Variants in DPP10 observed in about 807,000 individuals in gnomAD.
The protein encoded by DPP10 is inactive dipeptidyl peptidase 10.
A neutral mutation model predicts 120.9 loss-of-function variants in DPP10; 33 were observed. That is an observed-to-expected ratio of 0.27 (90% confidence interval 0.21 to 0.37). The LOEUF is 0.37. Among genes scored for constraint, DPP10 ranks in the 10% least tolerant of loss-of-function variants. The probability of loss-of-function intolerance (pLI) is 1.00; values close to 1 mark genes in which losing one functional copy is unlikely to be tolerated. For synonymous variants in DPP10, 337 were observed against 326.1 expected, an observed-to-expected ratio of 1.03 and a Z score of -0.36; for missense variants, 816 against 942.8, an observed-to-expected ratio of 0.87 and a Z score of 1.76.
At chr2:115,588,037 T>A (rs934879951) in intron 5 of DPP10, among the ~76,000 whole-genome samples, 5 of 152,188 alleles carry the variant, frequency 3.3e-5, no homozygotes, top group Non-Finnish European at 5.9e-5. Flanking sequence ...TTATACTTTT[T>A]AAAAACTTAT....
intron 5 of DPP10, among the ~76,000 whole-genome samples, chr2:115,568,083 C>T (rs563200816): frequency 1.1e-4 from 17 of 151,884 alleles, no homozygotes; most frequent in African/African-American, 3.6e-4. Context: ...GAGGCTGAGG[C>T]AGGACAGCCA....
rs532395151 is a variant in DPP10, at chr2:115,049,288, A to T, written c.61-259951A>T. ...CATTATTGAGCACTTAATGTATGCT[A>T]GATAGTGTGCTATGCCCATTTATAT... On this transcript the variant is annotated intron_variant, in intron 1 of 25. Transcript: ENST00000410059. Among the ~76,000 whole-genome samples, 6 of 152,236 alleles carry T rather than the reference A, an allele frequency of 3.9e-5. No homozygotes were observed. The South Asian group carries it at 8.3e-4, about 21-fold the overall frequency.
intron 21 of DPP10, among the ~76,000 whole-genome samples, chr2:115,830,320 T>G (rs948338344): frequency 6.9e-6 from 1 of 144,420 alleles, no homozygotes; most frequent in African/African-American, 2.6e-5. Context: ...TTCCCACCAC[T>G]GCACTCCAGC....
chr2:114,992,195 G>T (rs1015925270), intron 1 of DPP10, among the ~76,000 whole-genome samples: 1 of 152,214 alleles, frequency 6.6e-6, no homozygotes, highest in Non-Finnish European at 1.5e-5. Context: ...ACAAAGGAAA[G>T]ATCTTCTGGG....
chr2:115,139,479 T>C (rs898671422), intron 1 of DPP10, among the ~76,000 whole-genome samples: 12 of 151,960 alleles, frequency 7.9e-5, no homozygotes, highest in Middle Eastern at 3.4e-3. Context: ...CAAATACTAC[T>C]GAGACAGAGA....
intron 5 of DPP10, among the ~76,000 whole-genome samples, chr2:115,604,669 A>G (rs770098670): frequency 7.4e-5 from 11 of 148,420 alleles, no homozygotes; most frequent in Non-Finnish European, 1.5e-4. Context: ...TTTTCATTTC[A>G]CAACCCTACA....
intron 1 of DPP10, among the ~76,000 whole-genome samples, chr2:114,753,926 A>G (rs908545156): frequency 2.6e-5 from 4 of 151,220 alleles, no homozygotes; most frequent in African/African-American, 7.3e-5. Context: ...AAAAAAAAAA[A>G]AAAAAAGAAA....
At chr2:115,028,434 C>A (rs1457658710) in intron 1 of DPP10, among the ~76,000 whole-genome samples, 1 of 152,046 alleles carries the variant, frequency 6.6e-6, no homozygotes, top group Non-Finnish European at 1.5e-5. Context: ...TAGTTTGAGT[C>A]CACTGTGGTC....
At chr2:114,529,758 G>A (rs903768238) in intron 1 of DPP10, among the ~76,000 whole-genome samples, 7 of 152,070 alleles carry the variant, frequency 4.6e-5, no homozygotes, top group Non-Finnish European at 8.8e-5. Flanking sequence ...TGTGTCAGGG[G>A]GGTTTGTTGT....
At position 115,054,493 on chromosome 2, in the gene DPP10, G is replaced by C. The variant is rs144691475; in HGVS notation, c.61-254746G>C. Among the ~76,000 whole-genome samples the C allele has an allele frequency of 3.6e-3, 555 of 152,258 alleles. 5 individuals are homozygous for C. The highest frequency in any genetic ancestry group is 0.013 in the African/African-American group (532 of 41,556). ...TATTAGAAAAAAAGTGCACTGTTGG[G>C]TTCATTTTTTGTAGTTTCTTGTAGC... On this transcript the variant is annotated intron_variant, in intron 1 of 25. Coordinates refer to ENST00000410059, the MANE Select transcript of DPP10 (RefSeq NM_020868.6).
intron 19 of DPP10, among the ~76,000 whole-genome samples, chr2:115,811,641 T>C (rs1016438167): frequency 1.3e-5 from 2 of 152,188 alleles, no homozygotes; most frequent in African/African-American, 4.8e-5. Flanking sequence ...AAACATCTTA[T>C]GTTGCCTTAG....
chr2:115,110,571 G>A lies in DPP10; in HGVS notation c.61-198668G>A, dbSNP rs536736725. On this transcript the variant is annotated intron_variant, in intron 1 of 25. Transcript: ENST00000410059. ...ATGTATTTAAATAGTTTTTTGATGT[G>A]TGCTATTTATTTTTTAAGTTATATT... 1.3e-5 allele frequency among the ~76,000 whole-genome samples: 2 copies of A among 151,962 alleles called. 1 individual carries two copies. Among genetic ancestry groups the A allele is most frequent in the Admixed American group, 1.3e-4 (2 of 15,266 alleles).
intron 4 of DPP10, among the ~76,000 whole-genome samples, chr2:115,504,235 T>A (rs2076830159): frequency 6.6e-6 from 1 of 151,790 alleles, no homozygotes; most frequent in Admixed American, 6.6e-5. Context: ...GGGACTTTTT[T>A]GTTCAGATAA....
chr2:115,187,193 C>A, intron 1 of DPP10, among the ~76,000 whole-genome samples: 1 of 148,858 alleles, frequency 6.7e-6, no homozygotes, highest in East Asian at 2.1e-4. Context: ...CCCGCCACCA[C>A]GCCCGGCTAA....
intron 5 of DPP10, among the ~76,000 whole-genome samples, chr2:115,687,485 GGATAGATAGATA>G (rs3043901): frequency 2.0e-4 from 30 of 147,018 alleles, no homozygotes; most frequent in South Asian, 4.4e-4. Flanking sequence ...ATGGATGGAT[GGATAGATAGATA>G]GATAGATAGA....
At chr2:114,890,221 G>A (rs1692428031) in intron 1 of DPP10, among the ~76,000 whole-genome samples, 1 of 152,186 alleles carries the variant, frequency 6.6e-6, no homozygotes, top group Non-Finnish European at 1.5e-5. Flanking sequence ...AGAGTAAAAT[G>A]AATTTGAGGC....
chr2:115,171,565 TGTCTAAG>T (rs2053338447), intron 1 of DPP10, among the ~76,000 whole-genome samples: 1 of 151,986 alleles, frequency 6.6e-6, no homozygotes, highest in South Asian at 2.1e-4. Flanking sequence ...TGAAGTGACT[TGTCTAAG>T]GTCACACTGT....
At chr2:115,746,009 T>G (rs1677921256) in intron 9 of DPP10, 77 bp from the exon 10 acceptor site, 1 of 1,061,470 alleles carries the variant, frequency 9.4e-7, no homozygotes, top group African/African-American at 1.7e-5. Context: ...AGTAAATGAA[T>G]CAAAAATCCT....
chr2:115,268,768 G>A (rs1207547338), intron 1 of DPP10, among the ~76,000 whole-genome samples: 1 of 152,096 alleles, frequency 6.6e-6, no homozygotes, highest in Non-Finnish European at 1.5e-5. Flanking sequence ...AACTTCTTTA[G>A]ATATAAGACC....
Sources: allele counts gnomAD v4.1 joint callset (sites outside exome capture counted in the v4.1 genomes callset), GRCh38; gene constraint gnomAD v4.1.1; transcripts MANE v1.5; gene names NCBI Gene and HGNC (gene_info 2026-07-23, HGNC 2026-07-21).